The following KIF1A variants were observed in gnomAD, a reference collection of about 807,000 sequenced individuals.
KIF1A encodes the protein kinesin family member 1A.
Under a neutral mutation model 227.3 loss-of-function variants are expected in KIF1A, and 46 were observed. The ratio of observed to expected loss-of-function variants is 0.20; its 90% CI spans 0.16 to 0.26. The LOEUF (loss-of-function observed/expected upper bound fraction) is 0.26. Ranked by LOEUF, KIF1A falls within the 10% of genes least tolerant of loss-of-function variation. The pLI, the probability that KIF1A is intolerant of heterozygous loss-of-function variation, is 1.00. For missense variants in KIF1A, 1,683 were observed against 2,485.9 expected, an observed-to-expected ratio of 0.68 and a Z score of 6.87; for synonymous variants, 1,022 against 1,012.8, an observed-to-expected ratio of 1.01 and a Z score of -0.17.
Position 240,745,564 on chromosome 2 carries a change from T to A in KIF1A, c.3375-47A>T, listed in dbSNP as rs1450337914. 5.8e-6 allele frequency: 9 copies of A among 1,545,244 alleles called. No individual in the cohort carries two copies. The South Asian group carries it at 9.5e-5, about 16-fold the overall frequency. On this transcript the variant is annotated intron_variant, in intron 31 of 48. Transcript: ENST00000498729. ...TTGGTGTGGGGTGGGGGACTTGGGATGAGACCTTACCAGGTGGAACCCACC... is the reference window on the plus strand; with the variant it reads ...TTGGTGTGGGGTGGGGGACTTGGGAAGAGACCTTACCAGGTGGAACCCACC...
chr2:240,772,366 T>C (rs191944024), intron 14 of KIF1A, among the ~76,000 whole-genome samples: 1 of 152,004 alleles, frequency 6.6e-6, no homozygotes, highest in East Asian at 1.9e-4. Context: ...GAGCCAGGAG[T>C]GTGGGCTCAG....
intron 38 of KIF1A, chr2:240,734,804 GT>G: frequency 7.9e-7 from 1 of 1,269,050 alleles, no homozygotes; most frequent in Non-Finnish European, 1.0e-6. Context: ...CGGGAGCGGG[GT>G]GGGGGACAGG....
Position 240,788,148 on chromosome 2 carries a change from T to A in KIF1A, c.266A>T (p.Tyr89Phe). The change falls in exon 4 of 49, where the codon TAC becomes TTC. Residue 89 changes from tyrosine (Y) to phenylalanine (F), a missense_variant. By Grantham distance (22) the Tyr-to-Phe change is conservative. Transcript: ENST00000498729. This position sits in a 1 kb window ranked among gnomAD's most constrained non-coding sequence, Gnocchi z 6.6. ...CCCATAGGCGAAGATGCACACGTTGTATCCCTCAAAGGCATGCTGCAGCAT... is the reference window on the plus strand; with the variant it reads ...CCCATAGGCGAAGATGCACACGTTGAATCCCTCAAAGGCATGCTGCAGCAT... Reference protein sequence around the residue: ...EEMLQHAFEGYNVCIFAYGQT... With the variant: ...EEMLQHAFEGFNVCIFAYGQT... 1.9e-6 allele frequency: 3 copies of A among 1,613,558 alleles called. No individual in the cohort carries two copies. Among genetic ancestry groups the A allele is most frequent in the Non-Finnish European group, 2.5e-6 (3 of 1,179,754 alleles).
rs371439675 is a variant in KIF1A at position 240,765,134 on chromosome 2, G to A, written c.1768+576C>T. On this transcript the variant is annotated intron_variant, in intron 20 of 48. Coordinates refer to ENST00000498729, the MANE Select transcript of KIF1A (RefSeq NM_001244008.2). The stretch of plus-strand genomic sequence containing the variant: ...GTTTCTCTGGCAGAACCCTAACTGC[G>A]TGGGCAATAGTCACACACCACTCAA... 3.3e-4 allele frequency among the ~76,000 whole-genome samples: 51 copies of A among 152,330 alleles called. No homozygotes were observed. The East Asian group carries it at 6.2e-3, about 18-fold the overall frequency.
intron 43 of KIF1A, 56 bp from the exon 44 acceptor site, chr2:240,721,940 A>C: frequency 1.4e-6 from 2 of 1,439,616 alleles, no homozygotes; most frequent in Non-Finnish European, 1.9e-6. Flanking sequence ...CCCTGCTCAG[A>C]CAGCCTTGCA....
rs1417059188 is a variant in KIF1A at position 240,727,663 on chromosome 2, G to A, written c.4008-723C>T. ...TCGCTGTGTTCCTAATCTCCACCCTGGAGTTATGATGAGCACGGCCTGAGC... is the reference window on the plus strand; with the variant it reads ...TCGCTGTGTTCCTAATCTCCACCCTAGAGTTATGATGAGCACGGCCTGAGC... On this transcript the variant is annotated intron_variant, in intron 38 of 48. Transcript: ENST00000498729. Among the ~76,000 whole-genome samples, 4 of 152,324 alleles carry A rather than the reference G, an allele frequency of 2.6e-5. No homozygotes were observed. The East Asian group carries it at 7.7e-4, about 29-fold the overall frequency.
rs1343095813 is a variant in KIF1A at position 240,778,792 on chromosome 2, C to T, written c.883-2866G>A. Among the ~76,000 whole-genome samples, 1 of 152,074 alleles carries T rather than the reference C, an allele frequency of 6.6e-6. No homozygotes were observed. Among genetic ancestry groups the T allele is most frequent in the Non-Finnish European group, 1.5e-5 (1 of 67,998 alleles). ...GCGCACCGTTCCACACACGGTTCCT[C>T]ACCGCTCCCCACGTTTCCCAAACAG... is the stretch of plus-strand genomic sequence containing the variant. On this transcript the variant is annotated intron_variant, in intron 10 of 48. Transcript: ENST00000498729. This position sits in a 1 kb window ranked among gnomAD's most constrained non-coding sequence, Gnocchi z 7.2.
intron 6 of KIF1A, 60 bp from the exon 7 acceptor site, chr2:240,785,160 C>A: frequency 7.3e-7 from 1 of 1,379,160 alleles, no homozygotes; most frequent in Admixed American, 1.7e-5. Flanking sequence ...GCGAGATCGC[C>A]GGTGGTGCCA....
chr2:240,722,760 G>C (rs1321631942), intron 42 of KIF1A, 104 bp from the exon 43 acceptor site: 1 of 890,358 alleles, frequency 1.1e-6, no homozygotes, highest in East Asian at 2.8e-5. Context: ...ACCCCGGAGA[G>C]CCCACCCTCC....
At chr2:240,776,430 C>T (rs150565115) in intron 10 of KIF1A, among the ~76,000 whole-genome samples, 72 of 152,352 alleles carry the variant, frequency 4.7e-4, no homozygotes, top group African/African-American at 1.7e-3. Flanking sequence ...TTCACCCGCC[C>T]TCTCCCCCAT....
rs2044947303 is a variant in KIF1A, at chr2:240,719,162, C to T, written c.5058G>A (p.Leu1686=). Residue 1686 remains leucine (L), a synonymous_variant, in exon 47 of 49, where the codon CTG becomes CTA. Transcript: ENST00000498729. ...TGGCCCAGCCTGACGTGTGCGGCTCCAGGAAGTGCAGGTACCCCTTCTTGG... is the reference window on the plus strand; with the variant it reads ...TGGCCCAGCCTGACGTGTGCGGCTCTAGGAAGTGCAGGTACCCCTTCTTGG... ...IVSKKGYLHF[L]EPHTSGWARR... is the part of the protein sequence containing the mutation. 1 of 1,610,770 alleles carries T rather than the reference C, an allele frequency of 6.2e-7. No individual in the cohort carries two copies. The highest frequency in any genetic ancestry group is 8.5e-7 in the Non-Finnish European group (1 of 1,178,838).
intron 1 of KIF1A, among the ~76,000 whole-genome samples, chr2:240,812,767 TTG>T (rs2057979182): frequency 6.8e-6 from 1 of 146,106 alleles, no homozygotes. Context: ...CGCCTTCACC[TTG>T]GGATCTGCCT....
intron 1 of KIF1A, chr2:240,798,103 C>T (rs1300358516): frequency 1.8e-5 from 4 of 218,416 alleles, no homozygotes; most frequent in African/African-American, 4.6e-5. Flanking sequence ...TTCACACCCA[C>T]GGCAAACCCC....
intron 38 of KIF1A, among the ~76,000 whole-genome samples, chr2:240,727,258 G>A (rs1287310060): frequency 6.6e-6 from 1 of 152,232 alleles, no homozygotes. Context: ...GAAGGGCAGA[G>A]AGGGAAGGGA....
intron 28 of KIF1A, among the ~76,000 whole-genome samples, chr2:240,748,107 C>T (rs1025942495): frequency 2.0e-5 from 3 of 152,276 alleles, no homozygotes; most frequent in Non-Finnish European, 4.4e-5. Context: ...GGCAGGAGGC[C>T]TGGCGACGCA....
At position 240,758,619 on chromosome 2, in the gene KIF1A, G is replaced by A. The variant is rs1479946289; in HGVS notation, c.2445-122C>T. ...CTCTGGCCACCACATCCAGCTCAGG[G>A]TCATCAAGGTCCAGGGGGCTTGCTA... On this transcript the variant is annotated intron_variant, in intron 25 of 48. Transcript: ENST00000498729. The surrounding 1 kb of genome is among the most constrained non-coding windows in gnomAD (Gnocchi z 5.2). 9.7e-7 allele frequency: 1 copy of A among 1,026,772 alleles called. No individual in the cohort carries two copies. 63.6% of individuals were successfully genotyped at this position (1,026,772 alleles called of 1,614,324 possible).
intron 2 of KIF1A, among the ~76,000 whole-genome samples, chr2:240,794,762 G>A (rs970209082): frequency 2.0e-5 from 3 of 152,164 alleles, no homozygotes; most frequent in Non-Finnish European, 2.9e-5. Flanking sequence ...CCCAGCAAGC[G>A]GCCTGGGTGC....
At chr2:240,743,760 G>A (rs1461973570) in intron 33 of KIF1A, among the ~76,000 whole-genome samples, 182 bp downstream of exon 33, 1 of 152,212 alleles carries the variant, frequency 6.6e-6, no homozygotes, top group Non-Finnish European at 1.5e-5. Context: ...CTGCAGGCAG[G>A]CCCAGAGCTC....
intron 47 of KIF1A, among the ~76,000 whole-genome samples, chr2:240,718,616 G>C (rs1261145087): frequency 1.3e-5 from 2 of 152,246 alleles, no homozygotes; most frequent in Non-Finnish European, 2.9e-5. Flanking sequence ...TCCAGACGGA[G>C]GGGCTGGGCA....
Sources: gnomAD v4.1 joint callset for allele counts (sites outside exome capture counted in the v4.1 genomes callset) on GRCh38, gnomAD v4.1.1 for gene constraint, Gnocchi (gnomAD v3.1) non-coding constraint, MANE v1.5 for transcripts, NCBI Gene and HGNC (gene_info 2026-07-23, HGNC 2026-07-21) for gene names.